NTRK3: variants seen among roughly 807,000 people sequenced by gnomAD.
The protein encoded by NTRK3 is NT-3 growth factor receptor.
A neutral mutation model predicts 91.7 loss-of-function variants in NTRK3; 24 were observed. The ratio of observed to expected loss-of-function variants is 0.26; its 90% CI spans 0.19 to 0.37. The LOEUF is 0.37. NTRK3 is among the 10% of genes least tolerant of loss of function. The pLI, the probability that NTRK3 is intolerant of heterozygous loss-of-function variation, is 1.00. For missense variants in NTRK3, 880 were observed against 1,068.9 expected (o/e 0.82, Z 2.46); for synonymous variants, 483 against 404.0 (o/e 1.20, Z -2.34).
rs541503454 is a variant in NTRK3, at chr15:88,220,735, G to A, written c.248+35171C>T. On this transcript the variant is annotated intron_variant, in intron 3 of 18. Transcript: ENST00000394480. ...CAGCCAGCTTCTTCCCAGCGAGAGCGGGAACGTCCAAAAGATCTGTCCCTC... is the reference window on the plus strand; with the variant it reads ...CAGCCAGCTTCTTCCCAGCGAGAGCAGGAACGTCCAAAAGATCTGTCCCTC... 9.2e-5 allele frequency among the ~76,000 whole-genome samples: 14 copies of A among 152,230 alleles called. No homozygotes were observed. In the South Asian group the frequency reaches 1.0e-3, roughly 11 times the overall value.
chr15:87,965,470 T>C (rs1456773171), intron 14 of NTRK3, among the ~76,000 whole-genome samples: 2 of 152,126 alleles, frequency 1.3e-5, no homozygotes, highest in Admixed American at 6.5e-5. Flanking sequence ...CCCCAGTAAA[T>C]ACCAGTCAAT....
intron 13 of NTRK3, among the ~76,000 whole-genome samples, chr15:88,101,809 T>C (rs1004525767): frequency 4.6e-5 from 7 of 151,990 alleles, no homozygotes; most frequent in African/African-American, 9.7e-5. Context: ...TAGGTGGGAA[T>C]TGAACAATGA....
chr15:88,064,684 G>A (rs2046498671), intron 13 of NTRK3, among the ~76,000 whole-genome samples: 1 of 152,118 alleles, frequency 6.6e-6, no homozygotes. Flanking sequence ...GCGAGAGGGT[G>A]GACATGACAG....
intron 13 of NTRK3, among the ~76,000 whole-genome samples, chr15:88,036,617 G>A (rs2079094642): frequency 6.6e-6 from 1 of 152,210 alleles, no homozygotes; most frequent in Non-Finnish European, 1.5e-5. Flanking sequence ...AGGGCTGCGG[G>A]AAGGAGGTGT....
At chr15:87,951,152 C>A (rs2071070185) in intron 14 of NTRK3, among the ~76,000 whole-genome samples, 1 of 152,178 alleles carries the variant, frequency 6.6e-6, no homozygotes, top group East Asian at 1.9e-4. Flanking sequence ...GTACCCGTCC[C>A]CACTTCCACT....
intron 6 of NTRK3, among the ~76,000 whole-genome samples, chr15:88,143,364 G>A (rs746441954): frequency 1.5e-4 from 23 of 152,244 alleles, no homozygotes; most frequent in Non-Finnish European, 3.1e-4. Flanking sequence ...GAAGCTGGAG[G>A]AGGCAAGGAC....
intron 14 of NTRK3, chr15:87,981,174 G>A (rs1471494354): frequency 1.9e-6 from 3 of 1,551,848 alleles, no homozygotes; most frequent in African/African-American, 1.4e-5. Flanking sequence ...ACCAAAATTG[G>A]TTAGGGGAGG....
At chr15:88,123,506 AAAAG>A (rs1035232322) in intron 13 of NTRK3, among the ~76,000 whole-genome samples, 35 of 152,330 alleles carry the variant, frequency 2.3e-4, no homozygotes, top group African/African-American at 8.4e-4. Context: ...TATGTCAAAG[AAAAG>A]AGTCAAACTC....
At chr15:88,106,723 G>A (rs1023964861) in intron 13 of NTRK3, among the ~76,000 whole-genome samples, 1 of 152,112 alleles carries the variant, frequency 6.6e-6, no homozygotes, top group African/African-American at 2.4e-5. Context: ...ATGAGGTCAG[G>A]AGTTCGAGAC....
At chr15:87,971,701 G>A (rs1192494347) in intron 14 of NTRK3, among the ~76,000 whole-genome samples, 4 of 152,140 alleles carry the variant, frequency 2.6e-5, no homozygotes, top group South Asian at 2.1e-4. Context: ...ATGAGCTCCC[G>A]ACACGCTCAA....
intron 3 of NTRK3, among the ~76,000 whole-genome samples, chr15:88,236,667 A>T (rs1185863770): frequency 1.6e-4 from 1 of 6,090 alleles, no homozygotes; most frequent in South Asian, 6.2e-3. Context: ...GGAAGGGATT[A>T]AAAAAAAAAA....
At chr15:88,201,963 T>G (rs954320995) in intron 3 of NTRK3, among the ~76,000 whole-genome samples, 10 of 152,058 alleles carry the variant, frequency 6.6e-5, no homozygotes, top group Non-Finnish European at 1.5e-4. Context: ...ATTTCCTCCC[T>G]CATTTCTTTG....
At chr15:88,213,382 C>T (rs190996341) in intron 3 of NTRK3, among the ~76,000 whole-genome samples, 26 of 152,208 alleles carry the variant, frequency 1.7e-4, no homozygotes, top group Admixed American at 1.4e-3. Context: ...AAAATAAAGG[C>T]GGGACAAGGA....
intron 14 of NTRK3, among the ~76,000 whole-genome samples, chr15:88,012,762 C>T (rs1254133013): frequency 1.3e-5 from 2 of 152,218 alleles, no homozygotes; most frequent in African/African-American, 4.8e-5. Context: ...AAGGAAACTA[C>T]ACCAATATCT....
chr15:87,886,693 T>TATATATATATATATATAC (rs1567070969), intron 17 of NTRK3, among the ~76,000 whole-genome samples: 1 of 141,018 alleles, frequency 7.1e-6, no homozygotes, highest in Non-Finnish European at 1.5e-5. Context: ...TATATATATA[T>TATATATATATATATATAC]ATATATACAT....
At chr15:88,173,485 A>T (rs893883714) in intron 5 of NTRK3, among the ~76,000 whole-genome samples, 23 of 152,116 alleles carry the variant, frequency 1.5e-4, no homozygotes, top group African/African-American at 5.6e-4. Context: ...ATTCATCTCC[A>T]CCTGCTCGAT....
chr15:88,062,111 G>C (rs1016276878), intron 13 of NTRK3, among the ~76,000 whole-genome samples: 2 of 152,190 alleles, frequency 1.3e-5, no homozygotes, highest in African/African-American at 2.4e-5. Context: ...ATGATTTAAA[G>C]TCTCCGGGAG....
At chr15:88,139,527 A>G (rs1409433956) in intron 6 of NTRK3, among the ~76,000 whole-genome samples, 2 of 152,206 alleles carry the variant, frequency 1.3e-5, no homozygotes, top group Non-Finnish European at 2.9e-5. Context: ...TTACTAGGAC[A>G]CCGGAGGCAG....
At chr15:88,010,569 G>A (rs778308809) in intron 14 of NTRK3, among the ~76,000 whole-genome samples, 1 of 151,878 alleles carries the variant, frequency 6.6e-6, no homozygotes, top group Non-Finnish European at 1.5e-5. Context: ...TGAATAACAT[G>A]GTGAAGATAT....
Sources: allele counts gnomAD v4.1 joint callset (sites outside exome capture counted in the v4.1 genomes callset), GRCh38; gene constraint gnomAD v4.1.1; transcripts MANE v1.5; gene names NCBI Gene and HGNC (gene_info 2026-07-23, HGNC 2026-07-21).